ABLIM2: variants seen among roughly 807,000 people sequenced by gnomAD.
ABLIM2 encodes the protein actin binding LIM protein family member 2.
A neutral mutation model predicts 97.7 loss-of-function variants in ABLIM2; 53 were observed. That is an observed-to-expected ratio of 0.54 (90% CI 0.44 to 0.68). The LOEUF (loss-of-function observed/expected upper bound fraction) is 0.68. Ranked by LOEUF, ABLIM2 falls within the 30% of genes least tolerant of loss-of-function variation. The pLI, the probability that ABLIM2 is intolerant of heterozygous loss-of-function variation, is 0.00. For synonymous variants in ABLIM2, 361 were observed against 345.8 expected (o/e 1.04, Z -0.49); for missense variants, 835 against 867.2 (o/e 0.96, Z 0.47).
intron 1 of ABLIM2, among the ~76,000 whole-genome samples, chr4:8,115,543 A>G (rs1842436959): frequency 6.6e-6 from 1 of 152,150 alleles, no homozygotes; most frequent in South Asian, 2.1e-4. Flanking sequence ...TCCCCTCAGC[A>G]TGTGACAGTA....
chr4:8,078,121 C>A (rs1363365931), intron 5 of ABLIM2, among the ~76,000 whole-genome samples: 1 of 152,150 alleles, frequency 6.6e-6, no homozygotes, highest in Non-Finnish European at 1.5e-5. Flanking sequence ...AGTAAGGGCA[C>A]CCACATTGGG....
chr4:7,985,242 T>C (rs1287145575), intron 17 of ABLIM2, among the ~76,000 whole-genome samples: 1 of 152,190 alleles, frequency 6.6e-6, no homozygotes, highest in Non-Finnish European at 1.5e-5. Context: ...AGACGACCAC[T>C]GGGGGCTCAG....
At chr4:8,060,827 C>A (rs1002591400) in intron 7 of ABLIM2, 140 bp downstream of exon 7, 16 of 693,776 alleles carry the variant, frequency 2.3e-5, no homozygotes, top group Non-Finnish European at 3.4e-5. Flanking sequence ...CCTGCCCTGC[C>A]GGCTCCCCGC....
At chr4:8,103,340 C>G (rs1362758658) in intron 2 of ABLIM2, among the ~76,000 whole-genome samples, 2 of 152,240 alleles carry the variant, frequency 1.3e-5, no homozygotes, top group Admixed American at 1.3e-4. Context: ...CATGCTTAAA[C>G]AAGTGCAGCT....
chr4:8,062,683 C>T (rs1804128307), intron 6 of ABLIM2, among the ~76,000 whole-genome samples: 1 of 152,140 alleles, frequency 6.6e-6, no homozygotes, highest in Non-Finnish European at 1.5e-5. Flanking sequence ...TCGTGATCCG[C>T]CCGCCTCAGC....
At chr4:8,074,865 C>T (rs967923415) in intron 6 of ABLIM2, among the ~76,000 whole-genome samples, 2 of 151,518 alleles carry the variant, frequency 1.3e-5, no homozygotes, top group African/African-American at 2.4e-5. Context: ...ACTGCAACCT[C>T]CACCTCCTGG....
chr4:8,118,170 G>T (rs1843631152), intron 1 of ABLIM2, among the ~76,000 whole-genome samples: 1 of 152,236 alleles, frequency 6.6e-6, no homozygotes, highest in Non-Finnish European at 1.5e-5. Flanking sequence ...AGAGGCCGAG[G>T]CTGGACCCTG....
chr4:8,057,958 C>G (rs181576583), intron 7 of ABLIM2, among the ~76,000 whole-genome samples: 2 of 152,354 alleles, frequency 1.3e-5, no homozygotes, highest in East Asian at 3.9e-4. Context: ...AGCCACACAG[C>G]TGGTCAGACC....
intron 8 of ABLIM2, among the ~76,000 whole-genome samples, chr4:8,050,279 C>T (rs116561664): frequency 3.3e-5 from 5 of 152,308 alleles, no homozygotes; most frequent in African/African-American, 9.6e-5. Context: ...TCACTCTTTC[C>T]GTGGACAGGT....
chr4:8,091,798 T>G (rs1577618211), intron 3 of ABLIM2, among the ~76,000 whole-genome samples: 1 of 57,658 alleles, frequency 1.7e-5, no homozygotes, highest in African/African-American at 1.2e-4. Flanking sequence ...ATTATAGAAT[T>G]AATATATTAT....
rs550340339 is a variant in ABLIM2, at chr4:8,008,151, T to C, written c.1526A>G (p.Asn509Ser). 4.9e-5 allele frequency: 79 copies of C among 1,614,030 alleles called. No homozygotes were observed. The highest frequency in any genetic ancestry group is 1.6e-4 in the Middle Eastern group (1 of 6,062). ...MLKGDADTRT[N>S]SPDLDTQSLS... ...GGACTGGGTGTCCAGGTCTGGAGAATTGGTCCTTGTGTCTGCATCCCCCTT... is the reference window on the plus strand; with the variant it reads ...GGACTGGGTGTCCAGGTCTGGAGAACTGGTCCTTGTGTCTGCATCCCCCTT... Residue 509 changes from asparagine (N) to serine (S), a missense_variant, in exon 16 of 21, where the codon AAT becomes AGT. Coordinates refer to ENST00000447017, the MANE Select transcript of ABLIM2 (RefSeq NM_001130083.2).
intron 6 of ABLIM2, among the ~76,000 whole-genome samples, chr4:8,064,021 T>C (rs1046435064): frequency 1.3e-5 from 2 of 152,194 alleles, no homozygotes; most frequent in African/African-American, 4.8e-5. Flanking sequence ...GTTTAGCCCA[T>C]TGGGACTAGT....
chr4:8,123,467 C>A lies in ABLIM2; in HGVS notation c.11-16830G>T, dbSNP rs1453849794. On this transcript the variant is annotated intron_variant, in intron 1 of 20. Transcript: ENST00000447017. This position sits in a 1 kb window ranked among gnomAD's most constrained non-coding sequence, Gnocchi z 6.2. ...CCGTCTCCCCCTCAAATTCCTGACC[C>A]TTCTCATGTTCTCCTGATCTGCTGA... is the stretch of plus-strand genomic sequence containing the variant. Among the ~76,000 whole-genome samples the A allele has an allele frequency of 6.6e-6, 1 of 152,210 alleles. No individual in the cohort carries two copies. Among genetic ancestry groups the A allele is most frequent in the Non-Finnish European group, 1.5e-5 (1 of 68,040 alleles).
Position 8,158,740 on chromosome 4 carries a change from C to T in ABLIM2, c.-51G>A. The T allele has an allele frequency of 7.3e-7, 1 of 1,376,174 alleles. No homozygotes were observed. Among genetic ancestry groups the T allele is most frequent in the Non-Finnish European group, 9.4e-7 (1 of 1,065,248 alleles). 85.2% of individuals were successfully genotyped at this position (1,376,174 alleles called of 1,614,324 possible). A position where few individuals can be genotyped will look rare whatever the true frequency, so the allele number is the denominator to read the frequency against. On this transcript the variant is annotated 5_prime_UTR_variant, in exon 1 of 21. Coordinates refer to ENST00000447017, the MANE Select transcript of ABLIM2 (RefSeq NM_001130083.2). Reference sequence around the variant, plus strand: ...GGCCCGGCGCTGCGACAGCCAGACCCTCGGGCCCGCAGGTGCCGCGCCCGC... The same window carrying T: ...GGCCCGGCGCTGCGACAGCCAGACCTTCGGGCCCGCAGGTGCCGCGCCCGC...
intron 1 of ABLIM2, among the ~76,000 whole-genome samples, chr4:8,137,576 AGGCG>A (rs1850364803): frequency 6.6e-6 from 1 of 152,214 alleles, no homozygotes; most frequent in Admixed American, 6.5e-5. Flanking sequence ...GGCCGGGCAC[AGGCG>A]GTGGTGAAGA....
chr4:7,986,346 A>G lies in ABLIM2; in HGVS notation c.1681-1453T>C, dbSNP rs1213587270. The stretch of plus-strand genomic sequence containing the variant: ...GAGTCCAAAGCCCTTTATCTGAAAC[A>G]GGAAAACCGAGGCCCCGAGGGAAGC... On this transcript the variant is annotated intron_variant, in intron 17 of 20. Transcript: ENST00000447017. This position sits in a 1 kb window ranked among gnomAD's most constrained non-coding sequence, Gnocchi z 4.3. Among the ~76,000 whole-genome samples the G allele has an allele frequency of 6.6e-6, 1 of 152,188 alleles. No individual in the cohort carries two copies. The highest frequency in any genetic ancestry group is 2.4e-5 in the African/African-American group (1 of 41,468).
chr4:8,029,719 C>G lies in ABLIM2; in HGVS notation c.1105G>C (p.Gly369Arg), dbSNP rs953508981. 1.9e-6 allele frequency: 3 copies of G among 1,554,810 alleles called. No individual in the cohort carries two copies. The African/African-American group carries it at 4.1e-5, about 21-fold the overall frequency. The change falls in exon 11 of 21, where the codon GGG becomes CGG. Residue 369 changes from glycine to arginine, a missense_variant. Physicochemically the swap from Gly to Arg is moderately radical, Grantham distance 125. Transcript: ENST00000447017. ...QCRTSSPSST[G>R]SVSLGRYTPT... ...GTGTAGCGCCCGAGGCTAACCGACC[C>G]AGTGGAGCTTGGGCTGGAGGTCCGA...
intron 16 of ABLIM2, among the ~76,000 whole-genome samples, chr4:8,006,431 T>C (rs1231502782): frequency 6.6e-6 from 1 of 152,244 alleles, no homozygotes; most frequent in Non-Finnish European, 1.5e-5. Context: ...GCCGGCCACC[T>C]GGCAAGGGAA....
In ABLIM2 at chr4:8,140,532, G is replaced by A. The variant is rs1850817477; in HGVS notation, c.10+18148C>T. On this transcript the variant is annotated intron_variant, in intron 1 of 20. Coordinates refer to ENST00000447017, the MANE Select transcript of ABLIM2 (RefSeq NM_001130083.2). This position sits in a 1 kb window ranked among gnomAD's most constrained non-coding sequence, Gnocchi z 5.9. ...GACACGGGGGCCTTGCCTGCATGTG[G>A]GAGCCACACGTGGCCTCTCTTTAAC... Among the ~76,000 whole-genome samples, 1 of 152,156 alleles carries A rather than the reference G, an allele frequency of 6.6e-6. No individual in the cohort carries two copies. The highest frequency in any genetic ancestry group is 2.1e-4 in the South Asian group (1 of 4,824).
Sources: allele counts gnomAD v4.1 joint callset (sites outside exome capture counted in the v4.1 genomes callset), GRCh38; gene constraint gnomAD v4.1.1; non-coding constraint Gnocchi (gnomAD v3.1); transcripts MANE v1.5; gene names NCBI Gene and HGNC (gene_info 2026-07-23, HGNC 2026-07-21).